Variants in ZNF700 observed in about 807,000 individuals in gnomAD.
The protein encoded by ZNF700 is zinc finger protein 700.
A neutral mutation model predicts 65.3 loss-of-function variants in ZNF700; 38 were observed. The ratio of observed to expected loss-of-function variants is 0.58; its 90% confidence interval spans 0.45 to 0.76. ZNF700 has a LOEUF of 0.76. ZNF700 is among the 30% of genes least tolerant of loss of function. ZNF700 has a pLI of 0.00. For missense variants in ZNF700, 857 were observed against 888.4 expected (o/e 0.96, Z 0.45); for synonymous variants, 285 against 290.4 (o/e 0.98, Z 0.19).
At position 11,949,938 on chromosome 19, in the gene ZNF700, T is replaced by G; in HGVS notation, c.1914T>G (p.His638Gln). 2 of 1,614,040 alleles carry G rather than the reference T, an allele frequency of 1.2e-6. No homozygotes were observed. The highest frequency in any genetic ancestry group is 2.7e-5 in the African/African-American group (2 of 74,992). ...AFRSASNLQM[H>Q]ERTHTGEKPY... is the part of the protein sequence containing the mutation. Reference sequence around the variant, plus strand: ...GATCTGCCTCAAACCTTCAGATGCATGAAAGGACTCACACTGGAGAGAAAC... The same window carrying G: ...GATCTGCCTCAAACCTTCAGATGCAGGAAAGGACTCACACTGGAGAGAAAC... The change falls in exon 4 of 4, where the codon CAT (histidine) becomes CAG (glutamine). Residue 638 changes from histidine to glutamine, a missense_variant. By Grantham distance (24) the His-to-Gln change is conservative. This residue lies in a region of ZNF700 where 251 missense variants were observed against 250.3 expected (regional missense o/e 1.00). Coordinates refer to ENST00000254321, the MANE Select transcript of ZNF700 (RefSeq NM_144566.3).
At chr19:11,944,167 G>A (rs115481328) in intron 1 of ZNF700, among the ~76,000 whole-genome samples, 423 of 152,256 alleles carry the variant, frequency 2.8e-3, no homozygotes, top group African/African-American at 9.6e-3. Context: ...GAGATTGTTC[G>A]TGTAATTTTT....
intron 1 of ZNF700, among the ~76,000 whole-genome samples, chr19:11,944,646 G>A (rs975697984): frequency 6.6e-6 from 1 of 152,326 alleles, no homozygotes; most frequent in African/African-American, 2.4e-5. Flanking sequence ...GTACACACAA[G>A]AACTAGTAAA....
At chr19:11,927,866 A>C (rs1348695468) in intron 1 of ZNF700, among the ~76,000 whole-genome samples, 1 of 152,212 alleles carries the variant, frequency 6.6e-6, no homozygotes, top group Non-Finnish European at 1.5e-5. Context: ...GTTAGTGTCA[A>C]GATGGAGCTG....
intron 1 of ZNF700, among the ~76,000 whole-genome samples, chr19:11,935,298 G>A (rs563539880): frequency 2.3e-5 from 3 of 132,840 alleles, no homozygotes; most frequent in Admixed American, 7.8e-5. Context: ...GTGCAGTGGT[G>A]TAATCTCGGC....
intron 1 of ZNF700, among the ~76,000 whole-genome samples, chr19:11,946,553 C>A (rs1349120808): frequency 6.6e-6 from 1 of 151,982 alleles, no homozygotes; most frequent in African/African-American, 2.4e-5. Context: ...AACTAAGTGT[C>A]TGTGTACAGG....
At position 11,945,576 on chromosome 19, in the gene ZNF700, G is replaced by A. The variant is rs543929255; in HGVS notation, c.64-1605G>A. Reference sequence around the variant, plus strand: ...TTTTTGCCTGACCGGCTGGGCCCCAGGCTTAACTTCTGTAGGTACGGGGGT... The same window carrying A: ...TTTTTGCCTGACCGGCTGGGCCCCAAGCTTAACTTCTGTAGGTACGGGGGT... On this transcript the variant is annotated intron_variant, in intron 1 of 3. Transcript: ENST00000254321. Among the ~76,000 whole-genome samples the A allele has an allele frequency of 7.2e-5, 11 of 152,232 alleles. No homozygotes were observed. In the East Asian group the frequency reaches 9.7e-4, roughly 13 times the overall value.
At chr19:11,932,787 G>A (rs1264347112) in intron 1 of ZNF700, among the ~76,000 whole-genome samples, 7 of 146,918 alleles carry the variant, frequency 4.8e-5, no homozygotes, top group African/African-American at 1.3e-4. Context: ...ACAGGCACCC[G>A]CCACCCCGTC....
rs1973014617 is a variant in ZNF700 at position 11,949,117 on chromosome 19, A to T, written c.1093A>T (p.Lys365Ter). The change falls in exon 4 of 4, where the codon AAG becomes TAG. Residue 365 changes from lysine (K) to a stop codon, truncating the protein, a stop_gained. Transcript: ENST00000254321. LOFTEE classifies it high-confidence loss of function. ...CTCTGGAGAAAGACCTTATAAATGT[A>T]AGATATGTGGGAAAGGCTTTTATTC... ...MNSGERPYKC[K>*]ICGKGFYSAK... is the part of the protein sequence containing the mutation. 6.2e-7 allele frequency: 1 copy of T among 1,612,324 alleles called. No homozygotes were observed. The highest frequency in any genetic ancestry group is 1.3e-5 in the African/African-American group (1 of 74,702).
chr19:11,948,352 G>T lies in ZNF700; in HGVS notation c.328G>T (p.Asp110Tyr). 6.2e-7 allele frequency: 1 copy of T among 1,613,984 alleles called. No homozygotes were observed. Among genetic ancestry groups the T allele is most frequent in the Non-Finnish European group, 8.5e-7 (1 of 1,179,870 alleles). ...AGAAACTTTTACCCAGGTTCCAGAT[G>T]ACAGACTGAACTTCCAGGAGAAGAA... ...CGETFTQVPD[D>Y]RLNFQEKKAS... The change falls in exon 4 of 4, where the codon GAC becomes TAC. Residue 110 changes from aspartate (D) to tyrosine (Y), a missense_variant. By Grantham distance (160) the Asp-to-Tyr change is radical. Around this residue, in one of 3 missense-constraint regions of ZNF700, gnomAD observed 603 missense variants for 619.9 expected, o/e 0.97. Transcript: ENST00000254321.
At chr19:11,946,070 C>T (rs746131372) in intron 1 of ZNF700, among the ~76,000 whole-genome samples, 3 of 152,176 alleles carry the variant, frequency 2.0e-5, no homozygotes, top group African/African-American at 4.8e-5. Context: ...ACCATGGGCT[C>T]GTTAGGGGCA....
intron 1 of ZNF700, among the ~76,000 whole-genome samples, chr19:11,946,218 C>T (rs1054227073): frequency 3.9e-5 from 6 of 152,108 alleles, no homozygotes; most frequent in South Asian, 2.1e-4. Flanking sequence ...AGTCTTAGAT[C>T]GTAAATGAGC....
chr19:11,948,792 T>A lies in ZNF700; in HGVS notation c.768T>A (p.Gly256=), dbSNP rs757708922. The A allele has an allele frequency of 1.3e-5, 21 of 1,611,172 alleles. No homozygotes were observed. The South Asian group carries it at 2.2e-4, about 17-fold the overall frequency. Residue 256 remains glycine (G), a synonymous_variant, in exon 4 of 4, where the codon GGT becomes GGA. Transcript: ENST00000254321. The part of the protein sequence containing the change: ...GEKPYECKQC[G]KSFTYSATLQ... ...AACCATATGAATGTAAACAATGTGGTAAATCCTTTACTTATTCTGCTACCC... is the reference window on the plus strand; with the variant it reads ...AACCATATGAATGTAAACAATGTGGAAAATCCTTTACTTATTCTGCTACCC...
intron 1 of ZNF700, among the ~76,000 whole-genome samples, chr19:11,935,233 G>GT (rs1278688727): frequency 0.016 from 1,476 of 93,208 alleles, 50 homozygotes; most frequent in East Asian, 0.076. Context: ...GAAAGATCTT[G>GT]TTTTTTTTTT....
intron 1 of ZNF700, among the ~76,000 whole-genome samples, chr19:11,937,835 C>G (rs560121939): frequency 6.6e-6 from 1 of 152,038 alleles, no homozygotes; most frequent in Non-Finnish European, 1.5e-5. Context: ...CTTATGGAAT[C>G]TTCTCTTGTA....
chr19:11,945,058 C>T (rs1437741739), intron 1 of ZNF700, among the ~76,000 whole-genome samples: 1 of 152,242 alleles, frequency 6.6e-6, no homozygotes, highest in Non-Finnish European at 1.5e-5. Context: ...TTGGCCAGGG[C>T]CCCACAGTCT....
chr19:11,934,097 T>C (rs1423299122), intron 1 of ZNF700, among the ~76,000 whole-genome samples: 1 of 147,888 alleles, frequency 6.8e-6, no homozygotes, highest in Non-Finnish European at 1.5e-5. Flanking sequence ...AATTCCCAGC[T>C]ACATGGGAGA....
At chr19:11,940,517 G>C (rs1420673172) in intron 1 of ZNF700, among the ~76,000 whole-genome samples, 1 of 152,082 alleles carries the variant, frequency 6.6e-6, no homozygotes, top group African/African-American at 2.4e-5. Context: ...CGTTCCTCCT[G>C]GTGGGCTCGT....
chr19:11,948,263 T>C lies in ZNF700; in HGVS notation c.252-13T>C. On this transcript the variant is annotated splice_polypyrimidine_tract_variant and intron_variant, in intron 3 of 3. Coordinates refer to ENST00000254321, the MANE Select transcript of ZNF700 (RefSeq NM_144566.3). Reference sequence around the variant, plus strand: ...AAACAAACCCTTCATGATGTGTTTCTCATGTTTTACAGGAGTCTCATAGAA... The same window carrying C: ...AAACAAACCCTTCATGATGTGTTTCCCATGTTTTACAGGAGTCTCATAGAA... 2 of 1,608,416 alleles carry C rather than the reference T, an allele frequency of 1.2e-6. No individual in the cohort carries two copies. The highest frequency in any genetic ancestry group is 1.7e-6 in the Non-Finnish European group (2 of 1,178,550).
At position 11,948,947 on chromosome 19, in the gene ZNF700, G is replaced by T. The variant is rs774176258; in HGVS notation, c.923G>T (p.Cys308Phe). The T allele has an allele frequency of 4.4e-6, 7 of 1,608,420 alleles. No homozygotes were observed. The East Asian group carries it at 1.6e-4, about 36-fold the overall frequency. The stretch of plus-strand genomic sequence containing the variant: ...CACATGGGAGAGAAGCCTTATCAAT[G>T]CAAAGAATGTGGAAAAGCATTTGCA... Reference protein sequence around the residue: ...RSHMGEKPYQCKECGKAFAYT... With the variant: ...RSHMGEKPYQFKECGKAFAYT... Residue 308 changes from cysteine to phenylalanine, a missense_variant, in exon 4 of 4, where the codon TGC (cysteine) becomes TTC (phenylalanine). By Grantham distance (205) the Cys-to-Phe change is radical (BLOSUM62 -2). Around this residue, in one of 3 missense-constraint regions of ZNF700, gnomAD observed 603 missense variants for 619.9 expected, o/e 0.97. Coordinates refer to ENST00000254321, the MANE Select transcript of ZNF700 (RefSeq NM_144566.3).
Sources: gnomAD v4.1 joint callset for allele counts (sites outside exome capture counted in the v4.1 genomes callset) on GRCh38, gnomAD v4.1.1 for gene constraint, gnomAD v4.1.1 regional missense constraint, MANE v1.5 for transcripts, NCBI Gene and HGNC (gene_info 2026-07-23, HGNC 2026-07-21) for gene names.